ARSB: variants seen among roughly 807,000 people sequenced by gnomAD.
ARSB encodes N-acetylgalactosamine-4-sulfatase.
Under a neutral mutation model 50.9 loss-of-function variants are expected in ARSB, and 41 were observed. That is an observed-to-expected ratio of 0.81 (90% CI 0.63 to 1.04). The LOEUF (loss-of-function observed/expected upper bound fraction) is 1.04. Among genes scored for constraint, ARSB ranks in the 50% least tolerant of loss-of-function variants. The probability of loss-of-function intolerance (pLI) is 0.00; values close to 1 mark genes in which losing one functional copy is unlikely to be tolerated. For missense variants in ARSB, 672 were observed against 693.3 expected, an observed-to-expected ratio of 0.97 and a Z score of 0.35; for synonymous variants, 269 against 284.8, an observed-to-expected ratio of 0.94 and a Z score of 0.56.
chr5:78,802,992 C>A (rs958618542), intron 6 of ARSB, among the ~76,000 whole-genome samples: 4 of 152,216 alleles, frequency 2.6e-5, no homozygotes, highest in Non-Finnish European at 5.9e-5. Flanking sequence ...AACTCCAGGA[C>A]ATTTTCTCCT....
At chr5:78,973,313 T>A (rs1752538440) in intron 1 of ARSB, among the ~76,000 whole-genome samples, 1 of 152,230 alleles carries the variant, frequency 6.6e-6, no homozygotes, top group Admixed American at 6.5e-5. Flanking sequence ...CATGTGTGGC[T>A]GTCTCCTCTT....
rs114923462 is a variant in ARSB, at chr5:78,826,794, C to T, written c.1213+12562G>A. 2.7e-3 allele frequency among the ~76,000 whole-genome samples: 409 copies of T among 152,258 alleles called. 3 individuals carry two copies. The highest frequency in any genetic ancestry group is 9.2e-3 in the African/African-American group (382 of 41,542). On this transcript the variant is annotated intron_variant, in intron 6 of 7. Transcript: ENST00000264914. The stretch of plus-strand genomic sequence containing the variant: ...CTTTTGCTGTGAAAACAGTATGATA[C>T]CCCCAAAATAAGTGAGAGAGATACT...
chr5:78,896,888 C>T (rs985245904), intron 4 of ARSB, among the ~76,000 whole-genome samples: 1 of 151,932 alleles, frequency 6.6e-6, no homozygotes, highest in Non-Finnish European at 1.5e-5. Flanking sequence ...AAAAATAACT[C>T]TCAGTGTAAT....
At chr5:78,939,895 C>T (rs1384591376) in intron 4 of ARSB, among the ~76,000 whole-genome samples, 1 of 152,198 alleles carries the variant, frequency 6.6e-6, no homozygotes. Flanking sequence ...TATAGTCCCA[C>T]CAACAGTGTA....
chr5:78,829,630 C>G (rs939011160), intron 6 of ARSB, among the ~76,000 whole-genome samples: 1 of 152,158 alleles, frequency 6.6e-6, no homozygotes, highest in African/African-American at 2.4e-5. Context: ...TTACTAACAT[C>G]TTACATTATG....
intron 1 of ARSB, among the ~76,000 whole-genome samples, chr5:78,972,390 T>G (rs2112540958): frequency 6.6e-6 from 1 of 152,256 alleles, no homozygotes; most frequent in South Asian, 2.1e-4. Context: ...ATGGTCCCTT[T>G]GTAAATAAAC....
intron 5 of ARSB, chr5:78,883,832 T>C (rs985602799): frequency 6.6e-6 from 1 of 152,226 alleles, no homozygotes; most frequent in Non-Finnish European, 1.5e-5. Context: ...TAAACTTGAA[T>C]AGCTATCAAA....
At chr5:78,846,376 G>A (rs1745441488) in intron 5 of ARSB, among the ~76,000 whole-genome samples, 1 of 152,034 alleles carries the variant, frequency 6.6e-6, no homozygotes, top group Admixed American at 6.6e-5. Flanking sequence ...TCTTTTGTGG[G>A]TGCATGTAAA....
chr5:78,901,348 G>T (rs1200099451), intron 4 of ARSB, among the ~76,000 whole-genome samples: 1 of 152,154 alleles, frequency 6.6e-6, no homozygotes, highest in Non-Finnish European at 1.5e-5. Flanking sequence ...TGATGATAAA[G>T]TGATATTTAT....
intron 4 of ARSB, among the ~76,000 whole-genome samples, chr5:78,943,885 T>A (rs1349951613): frequency 6.6e-6 from 1 of 152,240 alleles, no homozygotes; most frequent in Non-Finnish European, 1.5e-5. Flanking sequence ...TCCAACTTGG[T>A]TCCATTCTCC....
intron 5 of ARSB, among the ~76,000 whole-genome samples, chr5:78,882,594 A>G (rs1747803495): frequency 6.6e-6 from 1 of 152,194 alleles, no homozygotes; most frequent in African/African-American, 2.4e-5. Context: ...AGGTATATCC[A>G]TGCGATTGAA....
chr5:78,815,696 C>T (rs1050391061), intron 6 of ARSB: 6 of 1,040,426 alleles, frequency 5.8e-6, no homozygotes, highest in Non-Finnish European at 6.9e-6. Flanking sequence ...CTACATGTGC[C>T]ATATTACTGT....
At chr5:78,980,841 C>T (rs1752872918) in intron 1 of ARSB, among the ~76,000 whole-genome samples, 2 of 151,458 alleles carry the variant, frequency 1.3e-5, no homozygotes, top group South Asian at 4.2e-4. Context: ...AAATAAAATA[C>T]GGATTTTTTT....
At chr5:78,845,019 C>T (rs1267199074) in intron 5 of ARSB, among the ~76,000 whole-genome samples, 1 of 151,988 alleles carries the variant, frequency 6.6e-6, no homozygotes, top group Non-Finnish European at 1.5e-5. Context: ...ATTAACTAAC[C>T]TTTGGCTATT....
chr5:78,883,580 T>G (rs1179679728), intron 5 of ARSB: 1 of 152,236 alleles, frequency 6.6e-6, no homozygotes, highest in Non-Finnish European at 1.5e-5. Flanking sequence ...TAAAATTTAA[T>G]AAATTCTCGA....
Position 78,984,964 on chromosome 5 carries a change from C to G in ARSB, c.285G>C (p.Arg95=), listed in dbSNP as rs763502806. Residue 95 remains arginine (R), a synonymous_variant, in exon 1 of 8, where the codon CGG becomes CGC. Transcript: ENST00000264914. ...GGTAGCGGCCAGTGAGCAGCTGGCT[C>G]CGCGACGGCGTGCACAGCGGCTGCG... ...YYTQPLCTPS[R]SQLLTGRYQI... is the part of the protein sequence containing the mutation. 4 of 1,487,102 alleles carry G rather than the reference C, an allele frequency of 2.7e-6. No homozygotes were observed. The highest frequency in any genetic ancestry group is 3.6e-6 in the Non-Finnish European group (4 of 1,118,430). The allele number at this position is 1,487,102 out of a possible 1,614,324, so 92.1% of individuals were successfully genotyped here.
intron 1 of ARSB, among the ~76,000 whole-genome samples, chr5:78,971,699 G>A (rs1316561742): frequency 6.6e-6 from 1 of 152,112 alleles, no homozygotes; most frequent in Non-Finnish European, 1.5e-5. Context: ...TTGCTTTACT[G>A]CATGATCTCT....
At chr5:78,832,991 TG>T (rs1744758223) in intron 6 of ARSB, among the ~76,000 whole-genome samples, 1 of 152,206 alleles carries the variant, frequency 6.6e-6, no homozygotes, top group Non-Finnish European at 1.5e-5. Flanking sequence ...TGGTCTCAGA[TG>T]GGGCAGGATC....
intron 4 of ARSB, among the ~76,000 whole-genome samples, chr5:78,913,507 C>T (rs1415652142): frequency 1.3e-5 from 2 of 152,186 alleles, no homozygotes; most frequent in African/African-American, 4.8e-5. Flanking sequence ...TTTTCCTATC[C>T]TGTTGTGTGA....
Sources: gnomAD v4.1 joint callset for allele counts (sites outside exome capture counted in the v4.1 genomes callset) on GRCh38, gnomAD v4.1.1 for gene constraint, MANE v1.5 for transcripts, NCBI Gene and HGNC (gene_info 2026-07-23, HGNC 2026-07-21) for gene names.